The following TOP1 variants were observed in gnomAD, a reference collection of about 807,000 sequenced individuals.
TOP1 encodes DNA topoisomerase 1.
TOP1 carries 10 observed loss-of-function variants against 111.1 expected under a neutral mutation model. The ratio of observed to expected loss-of-function variants is 0.09; its 90% CI spans 0.06 to 0.15. TOP1 has a LOEUF of 0.15. TOP1 is among the 10% of genes least tolerant of loss of function. The probability of loss-of-function intolerance (pLI) is 1.00; values close to 1 mark genes in which losing one functional copy is unlikely to be tolerated. For missense variants in TOP1, 474 were observed against 926.7 expected, an observed-to-expected ratio of 0.51 and a Z score of 6.34; for synonymous variants, 271 against 302.9, an observed-to-expected ratio of 0.89 and a Z score of 1.10.
Position 41,102,902 on chromosome 20 carries a change from T to G in TOP1, c.1308+1549T>G, listed in dbSNP as rs971776218. Reference sequence around the variant, plus strand: ...AAACAGAGGAGTTATTTGCAGCACCTTAGAGATCAACAATAACTTTATGAA... The same window carrying G: ...AAACAGAGGAGTTATTTGCAGCACCGTAGAGATCAACAATAACTTTATGAA... On this transcript the variant is annotated intron_variant, in intron 13 of 20. Coordinates refer to ENST00000361337, the MANE Select transcript of TOP1 (RefSeq NM_003286.4). The surrounding 1 kb of genome is among the most constrained non-coding windows in gnomAD (Gnocchi z 4.0). Among the ~76,000 whole-genome samples, 35 of 152,216 alleles carry G rather than the reference T, an allele frequency of 2.3e-4. No individual in the cohort carries two copies. The highest frequency in any genetic ancestry group is 2.8e-4 in the Non-Finnish European group (19 of 68,036).
At chr20:41,050,720 T>C (rs1051357774) in intron 2 of TOP1, among the ~76,000 whole-genome samples, 1 of 152,230 alleles carries the variant, frequency 6.6e-6, no homozygotes, top group Non-Finnish European at 1.5e-5. Flanking sequence ...TCAGGCTTTT[T>C]CACTGCCTTT....
In TOP1 at chr20:41,097,730, C is replaced by G. The variant is rs1449587152; in HGVS notation, c.852+389C>G. On this transcript the variant is annotated intron_variant, in intron 10 of 20. Coordinates refer to ENST00000361337, the MANE Select transcript of TOP1 (RefSeq NM_003286.4). The surrounding 1 kb of genome is among the most constrained non-coding windows in gnomAD (Gnocchi z 4.2). ...CTTGCTCATTTATTTTAGGTACTTT[C>G]TACTCTTGAAACCACATATACTATA... Among the ~76,000 whole-genome samples the G allele has an allele frequency of 1.3e-5, 2 of 152,204 alleles. No homozygotes were observed. Among genetic ancestry groups the G allele is most frequent in the African/African-American group, 2.4e-5 (1 of 41,456 alleles).
chr20:41,047,831 A>G (rs1224525772), intron 2 of TOP1, among the ~76,000 whole-genome samples: 1 of 152,074 alleles, frequency 6.6e-6, no homozygotes, highest in Admixed American at 6.5e-5. Context: ...CTAGCTCCCA[A>G]AGGCATCTGA....
In TOP1 at chr20:41,121,031, C is replaced by T. The variant is rs927627942; in HGVS notation, c.1951-665C>T. Among the ~76,000 whole-genome samples, 3 of 152,164 alleles carry T rather than the reference C, an allele frequency of 2.0e-5. No homozygotes were observed. Among genetic ancestry groups the T allele is most frequent in the East Asian group, 1.9e-4 (1 of 5,196 alleles). ...TGCTGGGATTACAGGCGTGAGACAC[C>T]GCGCCTGGTGACCGCTCTCCTTTTA... On this transcript the variant is annotated intron_variant, in intron 18 of 20. Transcript: ENST00000361337. The surrounding 1 kb of genome is among the most constrained non-coding windows in gnomAD (Gnocchi z 4.2).
rs2034040596 is a variant in TOP1, at chr20:41,100,245, T to TGAG, written c.1163+3_1163+5dup. 6.8e-6 allele frequency: 11 copies of TGAG among 1,611,600 alleles called. No individual in the cohort carries two copies. Among genetic ancestry groups the TGAG allele is most frequent in the Non-Finnish European group, 9.3e-6 (11 of 1,178,598 alleles). The stretch of plus-strand genomic sequence containing the variant: ...GGATATAATCATCAACTGTAGCAAG[T>TGAG]GAGCTCGCACTTCATCCTATGGGCC... On this transcript the variant is annotated splice_region_variant and intron_variant, in intron 12 of 20. Coordinates refer to ENST00000361337, the MANE Select transcript of TOP1 (RefSeq NM_003286.4). This position sits in a 1 kb window ranked among gnomAD's most constrained non-coding sequence, Gnocchi z 4.4.
intron 2 of TOP1, among the ~76,000 whole-genome samples, chr20:41,035,761 C>T (rs2033177461): frequency 6.6e-6 from 1 of 152,084 alleles, no homozygotes; most frequent in African/African-American, 2.4e-5. Context: ...ACCCTTTTTC[C>T]CCTTAGTAGA....
In TOP1 at chr20:41,082,891, T is replaced by C. The variant is rs2033805221; in HGVS notation, c.508-1571T>C. 6.6e-6 allele frequency among the ~76,000 whole-genome samples: 1 copy of C among 152,134 alleles called. No homozygotes were observed. Among genetic ancestry groups the C allele is most frequent in the African/African-American group, 2.4e-5 (1 of 41,420 alleles). On this transcript the variant is annotated intron_variant, in intron 7 of 20. Coordinates refer to ENST00000361337, the MANE Select transcript of TOP1 (RefSeq NM_003286.4). This position sits in a 1 kb window ranked among gnomAD's most constrained non-coding sequence, Gnocchi z 4.1. ...TGCAAAAATAATACTCTGAGTTTGT[T>C]AAACCATTGGGAAAAAAGAACAGTT...
rs74506875 is a variant in TOP1, at chr20:41,081,581, C to T, written c.507+341C>T. On this transcript the variant is annotated intron_variant, in intron 7 of 20. Coordinates refer to ENST00000361337, the MANE Select transcript of TOP1 (RefSeq NM_003286.4). ...CAAGAAACCACATTTTGGCTTATAA[C>T]CCTGAAGAAATTTCCCTAAGAATTT... 3.9e-5 allele frequency among the ~76,000 whole-genome samples: 6 copies of T among 152,338 alleles called. No homozygotes were observed. In the East Asian group the frequency reaches 1.2e-3, roughly 29 times the overall value.
chr20:41,076,634 G>A (rs2033730439), intron 4 of TOP1, among the ~76,000 whole-genome samples: 1 of 152,208 alleles, frequency 6.6e-6, no homozygotes, highest in Non-Finnish European at 1.5e-5. Flanking sequence ...TGAAAATTTA[G>A]TGATGCTGGT....
chr20:41,041,900 GATGATGATT>G lies in TOP1; in HGVS notation c.58+12448_58+12456del, dbSNP rs549067678. Among the ~76,000 whole-genome samples, 1,133 of 151,746 alleles carry G rather than the reference GATGATGATT, an allele frequency of 7.5e-3. 12 individuals are homozygous for G. Among genetic ancestry groups the G allele is most frequent in the African/African-American group, 0.026 (1,071 of 41,232 alleles). On this transcript the variant is annotated intron_variant, in intron 2 of 20. Transcript: ENST00000361337. ...AAGCTTACAGGGTGATGATGATGAT[GATGATGATT>G]ATTATTATTATTATTTGGAGACAGA... is the stretch of plus-strand genomic sequence containing the variant.
chr20:41,028,969 G>C lies in TOP1; in HGVS notation c.-99G>C. 9.5e-7 allele frequency: 1 copy of C among 1,049,310 alleles called. No individual in the cohort carries two copies. 65.0% of individuals were successfully genotyped at this position (1,049,310 alleles called of 1,614,324 possible). A position where few individuals can be genotyped will look rare whatever the true frequency, so the allele number is the denominator to read the frequency against. On this transcript the variant is annotated 5_prime_UTR_variant, in exon 1 of 21. Transcript: ENST00000361337. ...CACCGCCGCTTACCTGCGCCTCCTC[G>C]AGCCTCCGGAGTCCCCGTCCGCCCG...
chr20:41,121,657 C>G lies in TOP1; in HGVS notation c.1951-39C>G. On this transcript the variant is annotated intron_variant, in intron 18 of 20. Coordinates refer to ENST00000361337, the MANE Select transcript of TOP1 (RefSeq NM_003286.4). This position sits in a 1 kb window ranked among gnomAD's most constrained non-coding sequence, Gnocchi z 4.2. The stretch of plus-strand genomic sequence containing the variant: ...ACCTTCTCAGGTGGAGCCATTTTTC[C>G]TCTACAGCTCATAACCTTACCACTA... 6.4e-7 allele frequency: 1 copy of G among 1,551,020 alleles called. No individual in the cohort carries two copies. Among genetic ancestry groups the G allele is most frequent in the Non-Finnish European group, 8.9e-7 (1 of 1,123,514 alleles).
At position 41,118,119 on chromosome 20, in the gene TOP1, C is replaced by CT. The variant is rs776193970; in HGVS notation, c.1823-46dup. ...TGGGGGAAGACATACTGTGTGTTCA[C>CT]TTTTGGTGTACAAACTGACCCTCTT... On this transcript the variant is annotated intron_variant, in intron 17 of 20. Transcript: ENST00000361337. The surrounding 1 kb of genome is among the most constrained non-coding windows in gnomAD (Gnocchi z 4.6). The CT allele has an allele frequency of 6.3e-7, 1 of 1,592,510 alleles. No homozygotes were observed. The highest frequency in any genetic ancestry group is 8.6e-7 in the Non-Finnish European group (1 of 1,165,584).
In TOP1 at chr20:41,102,004, G is replaced by A. The variant is rs533453819; in HGVS notation, c.1308+651G>A. 6.6e-6 allele frequency among the ~76,000 whole-genome samples: 1 copy of A among 152,314 alleles called. No individual in the cohort carries two copies. Among genetic ancestry groups the A allele is most frequent in the Non-Finnish European group, 1.5e-5 (1 of 68,024 alleles). ...AGATAGCTATGTATATCTAGCTTTG[G>A]AGAGTCCCACGAACTTCTTCCCTCC... On this transcript the variant is annotated intron_variant, in intron 13 of 20. Transcript: ENST00000361337. This position sits in a 1 kb window ranked among gnomAD's most constrained non-coding sequence, Gnocchi z 4.0.
Position 41,046,772 on chromosome 20 carries a change from G to A in TOP1, c.59-14622G>A, listed in dbSNP as rs1312927042. Among the ~76,000 whole-genome samples, 1 of 152,234 alleles carries A rather than the reference G, an allele frequency of 6.6e-6. No individual in the cohort carries two copies. The highest frequency in any genetic ancestry group is 1.5e-5 in the Non-Finnish European group (1 of 68,044). ...TTATTTACTAAGGAATTTCATCAGAGGTGGTTAGCATTTTGTGAACAAGTA... is the reference window on the plus strand; with the variant it reads ...TTATTTACTAAGGAATTTCATCAGAAGTGGTTAGCATTTTGTGAACAAGTA... On this transcript the variant is annotated intron_variant, in intron 2 of 20. Transcript: ENST00000361337. This position sits in a 1 kb window ranked among gnomAD's most constrained non-coding sequence, Gnocchi z 4.3.
intron 2 of TOP1, among the ~76,000 whole-genome samples, chr20:41,053,473 A>G (rs2033430944): frequency 1.3e-5 from 2 of 152,142 alleles, no homozygotes; most frequent in Non-Finnish European, 1.5e-5. Flanking sequence ...TTTCCCCCAA[A>G]ATGCCCATAA....
Position 41,115,396 on chromosome 20 carries a change from T to C in TOP1, c.1664T>C (p.Met555Thr). 1 of 1,613,164 alleles carries C rather than the reference T, an allele frequency of 6.2e-7. No homozygotes were observed. The highest frequency in any genetic ancestry group is 8.5e-7 in the Non-Finnish European group (1 of 1,179,248). ...KRVFKNLQLF[M>T]ENKQPEDDLF... The stretch of plus-strand genomic sequence containing the variant: ...GTTTTTAAGAACCTACAACTATTTA[T>C]GGAGAACAAGCAGCCCGAGGATGAT... Residue 555 changes from methionine to threonine, a missense_variant, in exon 16 of 21, where the codon ATG (methionine) becomes ACG (threonine). This residue lies in a region of TOP1 where 18 missense variants were observed against 88.6 expected (regional missense o/e 0.20). Coordinates refer to ENST00000361337, the MANE Select transcript of TOP1 (RefSeq NM_003286.4). This position sits in a 1 kb window ranked among gnomAD's most constrained non-coding sequence, Gnocchi z 6.3.
In TOP1 at chr20:41,078,033, A is replaced by G. The variant is rs942031267; in HGVS notation, c.335+396A>G. 6.6e-6 allele frequency among the ~76,000 whole-genome samples: 1 copy of G among 151,862 alleles called. No homozygotes were observed. Among genetic ancestry groups the G allele is most frequent in the Non-Finnish European group, 1.5e-5 (1 of 67,994 alleles). ...CCAGAACATTTTCATTTCTCTAAAA[A>G]GAAACTTCATATTCAGTAGCGATTA... On this transcript the variant is annotated intron_variant, in intron 5 of 20. Coordinates refer to ENST00000361337, the MANE Select transcript of TOP1 (RefSeq NM_003286.4). This position sits in a 1 kb window ranked among gnomAD's most constrained non-coding sequence, Gnocchi z 5.3.
At position 41,029,046 on chromosome 20, in the gene TOP1, G is replaced by A. The variant is rs375083475; in HGVS notation, c.-22G>A. On this transcript the variant is annotated 5_prime_UTR_variant, in exon 1 of 21. Transcript: ENST00000361337. This position sits in a 1 kb window ranked among gnomAD's most constrained non-coding sequence, Gnocchi z 6.1. The stretch of plus-strand genomic sequence containing the variant: ...CCCCCACGCCGCCTCGCCTGCCGCC[G>A]CGCTCGTCCCTCCGGGCCGACATGA... The A allele has an allele frequency of 5.8e-6, 9 of 1,546,298 alleles. No homozygotes were observed. Among genetic ancestry groups the A allele is most frequent in the Admixed American group, 1.9e-5 (1 of 53,394 alleles).
Sources: gnomAD v4.1 joint callset for allele counts (sites outside exome capture counted in the v4.1 genomes callset) on GRCh38, gnomAD v4.1.1 for gene constraint, gnomAD v4.1.1 regional missense constraint, Gnocchi (gnomAD v3.1) non-coding constraint, MANE v1.5 for transcripts, NCBI Gene and HGNC (gene_info 2026-07-23, HGNC 2026-07-21) for gene names.